The following CDKL1 variants were observed in gnomAD, a reference collection of about 807,000 sequenced individuals.
CDKL1 encodes cyclin dependent kinase like 1.
CDKL1 carries 41 observed loss-of-function variants against 42.0 expected under a neutral mutation model. That is an observed-to-expected ratio of 0.98 (90% CI 0.76 to 1.27). The LOEUF is 1.27. Among genes scored for constraint, CDKL1 ranks in the 50% most tolerant of loss-of-function variants. The probability of loss-of-function intolerance (pLI) is 0.00; values close to 1 mark genes in which losing one functional copy is unlikely to be tolerated. For synonymous variants in CDKL1, 153 were observed against 158.6 expected (o/e 0.96, Z 0.26); for missense variants, 394 against 428.4 (o/e 0.92, Z 0.71).
intron 3 of CDKL1, among the ~76,000 whole-genome samples, chr14:50,348,071 G>C (rs1341245839): frequency 6.6e-6 from 1 of 152,224 alleles, no homozygotes; most frequent in Non-Finnish European, 1.5e-5. Context: ...CACAAGGTCA[G>C]AGAGGACAGG....
chr14:50,331,759 G>C (rs1424054178), intron 9 of CDKL1: 2 of 440,312 alleles, frequency 4.5e-6, no homozygotes, highest in East Asian at 7.6e-5. Context: ...GTGCAGTTTG[G>C]ATGCTGTTCT....
chr14:50,355,306 T>A (rs1403696074), intron 3 of CDKL1, among the ~76,000 whole-genome samples: 1 of 152,228 alleles, frequency 6.6e-6, no homozygotes, highest in Non-Finnish European at 1.5e-5. Context: ...TATATTCAAA[T>A]ATTTTCTTAT....
chr14:50,343,016 C>G (rs1312556548), intron 4 of CDKL1: 2 of 1,353,710 alleles, frequency 1.5e-6, no homozygotes, highest in Admixed American at 2.0e-5. Context: ...CTCAAATCAC[C>G]TGTGGTTTCC....
chr14:50,342,584 T>C, intron 4 of CDKL1: 1 of 251,210 alleles, frequency 4.0e-6, no homozygotes, highest in Non-Finnish European at 6.9e-6. Flanking sequence ...TACTAAAAGT[T>C]ATGCTTGTTT....
At chr14:50,386,575 G>T (rs1181932967) in intron 2 of CDKL1, among the ~76,000 whole-genome samples, 1 of 152,168 alleles carries the variant, frequency 6.6e-6, no homozygotes, top group Non-Finnish European at 1.5e-5. Context: ...AGAATAAAAG[G>T]TTGTAGGAAA....
At position 50,389,023 on chromosome 14, in the gene CDKL1, C is replaced by T. The variant is rs545829274; in HGVS notation, c.168+6678G>A. Among the ~76,000 whole-genome samples, 5 of 148,218 alleles carry T rather than the reference C, an allele frequency of 3.4e-5. No individual in the cohort carries two copies. In the Admixed American group the frequency reaches 3.4e-4, roughly 10 times the overall value. On this transcript the variant is annotated intron_variant, in intron 2 of 9. Coordinates refer to ENST00000395834, the MANE Select transcript of CDKL1 (RefSeq NM_004196.7). Reference sequence around the variant, plus strand: ...CTAAGGCAGGATAATCGCTTGAACCCAGGAGGCAGAGGTTGCAGTGAGCCG... The same window carrying T: ...CTAAGGCAGGATAATCGCTTGAACCTAGGAGGCAGAGGTTGCAGTGAGCCG...
rs555068519 is a variant in CDKL1, at chr14:50,327,459, C to CTTTTTT, written c.*2609_*2614dup. 2.6e-5 allele frequency: 2 copies of CTTTTTT among 77,344 alleles called. No homozygotes were observed. Among genetic ancestry groups the CTTTTTT allele is most frequent in the Admixed American group, 1.8e-4 (1 of 5,632 alleles). 4.8% of individuals were successfully genotyped at this position (77,344 alleles called of 1,614,324 possible). ...TAGATTTCTGTGTGTTTGATTTGAA[C>CTTTTTT]TTTTTTTTTTTTTTTTTTTTTTTTG... is the stretch of plus-strand genomic sequence containing the variant. On this transcript the variant is annotated 3_prime_UTR_variant, in exon 10 of 10. Coordinates refer to ENST00000395834, the MANE Select transcript of CDKL1 (RefSeq NM_004196.7).
chr14:50,391,182 C>G (rs2035247973), intron 2 of CDKL1, among the ~76,000 whole-genome samples: 1 of 152,104 alleles, frequency 6.6e-6, no homozygotes, highest in South Asian at 2.1e-4. Flanking sequence ...TTGTCTTTCT[C>G]TGTAATCTGA....
Position 50,362,969 on chromosome 14 carries a change from C to G in CDKL1, c.169-3820G>C, listed in dbSNP as rs28434133. On this transcript the variant is annotated intron_variant, in intron 2 of 9. Transcript: ENST00000395834. ...CTTGCTGCTGCTCACGCTTTGGGTCCGCACTGCTGTAACACTTATGGCAAA... is the reference window on the plus strand; with the variant it reads ...CTTGCTGCTGCTCACGCTTTGGGTCGGCACTGCTGTAACACTTATGGCAAA... The G allele has an allele frequency of 4.5e-4, 210 of 465,826 alleles. 3 individuals carry two copies. The highest frequency in any genetic ancestry group is 3.3e-3 in the African/African-American group (164 of 50,086). 28.9% of individuals were successfully genotyped at this position (465,826 alleles called of 1,614,324 possible).
chr14:50,372,467 G>T (rs1236479917), intron 2 of CDKL1, among the ~76,000 whole-genome samples: 1 of 152,172 alleles, frequency 6.6e-6, no homozygotes, highest in Non-Finnish European at 1.5e-5. Flanking sequence ...CAGGAGTAGG[G>T]CTTGCAAATA....
At chr14:50,332,973 G>GTA (rs2033049229) in intron 8 of CDKL1, 2 of 259,756 alleles carry the variant, frequency 7.7e-6, no homozygotes, top group Non-Finnish European at 1.4e-5. Flanking sequence ...ATATGATCAT[G>GTA]TATATAAGGA....
intron 2 of CDKL1, among the ~76,000 whole-genome samples, chr14:50,375,308 CAA>C (rs1478100074): frequency 6.6e-6 from 1 of 152,094 alleles, no homozygotes; most frequent in Non-Finnish European, 1.5e-5. Flanking sequence ...AATGAATAAA[CAA>C]ATAAATAAAA....
rs754712040 is a variant in CDKL1, at chr14:50,338,992, C to T, written c.693G>A (p.Thr231=). ...TTTTCACTCCACTGAAGTACTGATT[C>T]GTGCTAAACACTTGCTGGTGCCTAG... is the stretch of plus-strand genomic sequence containing the variant. ...LIPRHQQVFS[T]NQYFSGVKIP... Residue 231 remains threonine (T), a synonymous_variant, in exon 7 of 10, where the codon ACG becomes ACA. Coordinates refer to ENST00000395834, the MANE Select transcript of CDKL1 (RefSeq NM_004196.7). 6.8e-6 allele frequency: 11 copies of T among 1,613,028 alleles called. No homozygotes were observed. In the Middle Eastern group the frequency reaches 4.9e-4, roughly 72 times the overall value.
At chr14:50,365,215 T>C (rs1168902319) in intron 2 of CDKL1, among the ~76,000 whole-genome samples, 1 of 152,188 alleles carries the variant, frequency 6.6e-6, no homozygotes, top group African/African-American at 2.4e-5. Flanking sequence ...ATTTTTACCA[T>C]ATTATGGCCA....
intron 2 of CDKL1, among the ~76,000 whole-genome samples, chr14:50,370,196 G>A (rs892893341): frequency 2.0e-5 from 3 of 151,238 alleles, no homozygotes; most frequent in Non-Finnish European, 4.4e-5. Flanking sequence ...AGCCTCCCAA[G>A]TAGCTGGGAT....
chr14:50,379,121 G>A (rs895995181), intron 2 of CDKL1, among the ~76,000 whole-genome samples: 1 of 152,110 alleles, frequency 6.6e-6, no homozygotes, highest in African/African-American at 2.4e-5. Flanking sequence ...AAAAGTGCTG[G>A]GATTACAGGT....
chr14:50,338,129 A>C (rs2033376330), intron 7 of CDKL1, among the ~76,000 whole-genome samples: 1 of 152,140 alleles, frequency 6.6e-6, no homozygotes, highest in African/African-American at 2.4e-5. Context: ...AAACATTTCA[A>C]ATTTTTCTGC....
intron 2 of CDKL1, among the ~76,000 whole-genome samples, chr14:50,361,461 A>G (rs955330763): frequency 6.6e-6 from 1 of 152,236 alleles, no homozygotes; most frequent in Non-Finnish European, 1.5e-5. Flanking sequence ...AAAGAACAGA[A>G]CTTTTTTTCT....
At chr14:50,397,184 G>A (rs1369440187), upstream of CDKL1, 1 of 1,366,572 alleles carries the variant, frequency 7.3e-7, no homozygotes, top group African/African-American at 1.5e-5. Context: ...CCTCCTGAGC[G>A]GTCCACATTT....
Sources: allele counts gnomAD v4.1 joint callset (sites outside exome capture counted in the v4.1 genomes callset), GRCh38; gene constraint gnomAD v4.1.1; transcripts MANE v1.5; gene names NCBI Gene and HGNC (gene_info 2026-07-23, HGNC 2026-07-21).